NTS: variants seen among roughly 807,000 people sequenced by gnomAD.
The protein encoded by NTS is neurotensin/neuromedin N.
NTS carries 20 observed loss-of-function variants against 19.5 expected under a neutral mutation model. The ratio of observed to expected loss-of-function variants is 1.02; its 90% confidence interval spans 0.72 to 1.49. The LOEUF is 1.49. Among genes scored for constraint, NTS ranks in the 40% most tolerant of loss-of-function variants. The pLI, the probability that NTS is intolerant of heterozygous loss-of-function variation, is 0.00. For missense variants in NTS, 215 were observed against 193.1 expected, an observed-to-expected ratio of 1.11 and a Z score of -0.67; for synonymous variants, 71 against 63.3, an observed-to-expected ratio of 1.12 and a Z score of -0.58.
intron 3 of NTS, among the ~76,000 whole-genome samples, chr12:85,879,023 AATAAAAATATATTTTT>A (rs1881411749): frequency 6.7e-6 from 1 of 149,910 alleles, no homozygotes; most frequent in Non-Finnish European, 1.5e-5. Flanking sequence ...ATATTAGGCA[AATAAAAATATATTTTT>A]ATGTACATAA....
chr12:85,874,747 A>C (rs924903109), intron 1 of NTS, among the ~76,000 whole-genome samples: 12 of 152,272 alleles, frequency 7.9e-5, no homozygotes, highest in African/African-American at 2.4e-4. Context: ...AGGGAAAAAA[A>C]CCCTACAAAA....
At chr12:85,879,250 A>ATGTATATTTTATG (rs1565770732) in intron 3 of NTS, among the ~76,000 whole-genome samples, 6 of 12 alleles carry the variant, frequency 0.5, 3 homozygotes, top group Non-Finnish European at 0.5. Flanking sequence ...AAAATATATT[A>ATGTATATTTTATG]TACATAATTT....
chr12:85,876,590 A>C (rs374199652), intron 1 of NTS, 50 bp from the exon 2 acceptor site: 1 of 1,084,250 alleles, frequency 9.2e-7, no homozygotes, highest in Non-Finnish European at 1.3e-6. Flanking sequence ...AGATTATGAT[A>C]TAATTATATG....
At chr12:85,881,863 T>C (rs1450573804) in intron 3 of NTS, among the ~76,000 whole-genome samples, 1 of 152,098 alleles carries the variant, frequency 6.6e-6, no homozygotes, top group Non-Finnish European at 1.5e-5. Context: ...GTTTCCATCA[T>C]AAATTGAAGC....
At chr12:85,876,551 A>ATT in intron 1 of NTS, 89 bp from the exon 2 acceptor site, 1 of 712,076 alleles carries the variant, frequency 1.4e-6, no homozygotes, top group Non-Finnish European at 2.2e-6. Flanking sequence ...AACCTCTAAG[A>ATT]TTTTTTTTTA....
At position 85,878,984 on chromosome 12, in the gene NTS, G is replaced by A. The variant is rs1881410426; in HGVS notation, c.360+415G>A. ...AATATAAAGTTTCCAAGTAAAACTG[G>A]AATAAAACATAAATATTTGTATTTA... On this transcript the variant is annotated intron_variant, in intron 3 of 3. Coordinates refer to ENST00000256010, the MANE Select transcript of NTS (RefSeq NM_006183.5). Among the ~76,000 whole-genome samples the A allele has an allele frequency of 2.0e-5, 3 of 149,908 alleles. No individual in the cohort carries two copies. The Admixed American group carries it at 2.0e-4, about 10-fold the overall frequency.
At chr12:85,881,724 A>G (rs917479385) in intron 3 of NTS, among the ~76,000 whole-genome samples, 15 of 152,184 alleles carry the variant, frequency 9.9e-5, no homozygotes, top group African/African-American at 3.6e-4. Flanking sequence ...GATCCTTGGA[A>G]TGGTTTTCAT....
Sources: gnomAD v4.1 joint callset for allele counts (sites outside exome capture counted in the v4.1 genomes callset) on GRCh38, gnomAD v4.1.1 for gene constraint, MANE v1.5 for transcripts, NCBI Gene and HGNC (gene_info 2026-07-23, HGNC 2026-07-21) for gene names.